Variants in FMNL3 observed in about 807,000 individuals in gnomAD.
The protein encoded by FMNL3 is formin-like protein 3.
Under a neutral mutation model 119.6 loss-of-function variants are expected in FMNL3, and 57 were observed. The ratio of observed to expected loss-of-function variants is 0.48; its 90% confidence interval spans 0.39 to 0.59. The LOEUF (loss-of-function observed/expected upper bound fraction) is 0.59. FMNL3 is among the 20% of genes least tolerant of loss of function. The pLI is 0.00. For missense variants in FMNL3, 1,053 were observed against 1,323.5 expected (o/e 0.80, Z 3.17); for synonymous variants, 491 against 507.3 (o/e 0.97, Z 0.43).
chr12:49,653,444 TAGTC>T, intron 12 of FMNL3, 117 bp from the exon 13 acceptor site: 2 of 1,065,326 alleles, frequency 1.9e-6, no homozygotes, highest in Non-Finnish European at 2.8e-6. Context: ...AAAGGCAGCT[TAGTC>T]AGGTGGTTCC....
At chr12:49,671,896 T>C (rs1002583856) in intron 1 of FMNL3, among the ~76,000 whole-genome samples, 2 of 152,186 alleles carry the variant, frequency 1.3e-5, no homozygotes, top group Non-Finnish European at 2.9e-5. Context: ...GCACTAAATG[T>C]GGGTGAAGTC....
rs1943321547 is a variant in FMNL3, at chr12:49,649,417, C to A, written c.2304+53G>T. The A allele has an allele frequency of 6.2e-7, 1 of 1,613,372 alleles. No homozygotes were observed. Among genetic ancestry groups the A allele is most frequent in the Admixed American group, 1.7e-5 (1 of 60,032 alleles). The stretch of plus-strand genomic sequence containing the variant: ...TCTTCCTCTCTGTATAGCCCCAGGC[C>A]CCCACCTAGGACCTGAAAACCCCCA... On this transcript the variant is annotated intron_variant, in intron 19 of 25. Transcript: ENST00000335154. The surrounding 1 kb of genome is among the most constrained non-coding windows in gnomAD (Gnocchi z 5.6).
intron 6 of FMNL3, 107 bp downstream of exon 6, chr12:49,658,335 C>T: frequency 2.1e-6 from 3 of 1,436,110 alleles, no homozygotes; most frequent in Non-Finnish European, 2.8e-6. Context: ...GAGAGCTGAG[C>T]CTGGAAGCAA....
Position 49,707,136 on chromosome 12 carries a change from G to C in FMNL3, c.45C>G (p.Pro15=). ...ESAEGVPGEP[P]SVPLLLPPGK... is the part of the protein sequence containing the mutation. ...CGGGCGGCAGCAACAACGGGACAGA[G>C]GGGGGCTCTCCCGGGACCCCCTCGG... The change falls in exon 1 of 26, where the codon CCC becomes CCG. Residue 15 remains proline (P), a synonymous_variant. Coordinates refer to ENST00000335154, the MANE Select transcript of FMNL3 (RefSeq NM_175736.5). The C allele has an allele frequency of 6.2e-7, 1 of 1,600,090 alleles. No individual in the cohort carries two copies. Among genetic ancestry groups the C allele is most frequent in the Middle Eastern group, 1.7e-4 (1 of 6,016 alleles).
chr12:49,649,692 G>T lies in FMNL3; in HGVS notation c.2234C>A (p.Pro745Gln). The T allele has an allele frequency of 1.9e-6, 3 of 1,614,038 alleles. No homozygotes were observed. The highest frequency in any genetic ancestry group is 1.1e-5 in the South Asian group (1 of 91,066). Reference sequence around the variant, plus strand: ...CCATGAGTTGGGTGGGGGCTGTACCGGTGTGAGCATCTGCAGGTTATCCTG... The same window carrying T: ...CCATGAGTTGGGTGGGGGCTGTACCTGTGTGAGCATCTGCAGGTTATCCTG... ...NFQDNLQMLT[P>Q]QLNAIIAASA... The change falls in exon 18 of 26, where the codon CCG becomes CAG. Residue 745 changes from proline to glutamine, a missense_variant and splice_region_variant. Physicochemically the swap from Pro to Gln is moderately conservative, Grantham distance 76. Coordinates refer to ENST00000335154, the MANE Select transcript of FMNL3 (RefSeq NM_175736.5). The surrounding 1 kb of genome is among the most constrained non-coding windows in gnomAD (Gnocchi z 5.6).
chr12:49,700,292 T>A (rs1284174428), intron 1 of FMNL3, among the ~76,000 whole-genome samples: 2 of 139,048 alleles, frequency 1.4e-5, no homozygotes, highest in African/African-American at 5.5e-5. Flanking sequence ...CTCGGGAAGC[T>A]AAGGCAGAAG....
chr12:49,651,490 G>A (rs531948356), intron 14 of FMNL3, 40 bp from the exon 15 acceptor site: 18 of 1,424,410 alleles, frequency 1.3e-5, no homozygotes, highest in Admixed American at 2.6e-5. Flanking sequence ...CAGGCGTCAA[G>A]AGACTCTTCA....
At position 49,665,900 on chromosome 12, in the gene FMNL3, C is replaced by G. The variant is rs747996152; in HGVS notation, c.300G>C (p.Arg100Ser). The change falls in exon 4 of 26, where the codon AGG becomes AGC. Residue 100 changes from arginine (R) to serine (S), a missense_variant. Arg to Ser is a moderately radical substitution (Grantham distance 110, BLOSUM62 -1). Transcript: ENST00000335154. ...LDPSVTRKKF[R>S]RRVQESTKVL... ...CTTTGGTTGACTCCTGCACCCTCCT[C>G]CTGAACTTCTGTAAAAAGGGTAGGA... 2.5e-6 allele frequency: 4 copies of G among 1,614,182 alleles called. No individual in the cohort carries two copies. Among genetic ancestry groups the G allele is most frequent in the Non-Finnish European group, 2.5e-6 (3 of 1,180,018 alleles).
intron 1 of FMNL3, among the ~76,000 whole-genome samples, chr12:49,683,568 A>G (rs2138960224): frequency 6.6e-6 from 1 of 152,094 alleles, no homozygotes; most frequent in East Asian, 1.9e-4. Context: ...CATTTATTTG[A>G]CTGTCCCATC....
intron 1 of FMNL3, among the ~76,000 whole-genome samples, chr12:49,677,692 A>G (rs1410916237): frequency 2.6e-5 from 4 of 152,308 alleles, no homozygotes; most frequent in East Asian, 3.9e-4. Context: ...CTACATTCAG[A>G]AAGTTCATAT....
rs1033499567 is a variant in FMNL3 at position 49,644,472 on chromosome 12, G to A, written c.*1343C>T. 1.8e-5 allele frequency: 8 copies of A among 444,126 alleles called. No homozygotes were observed. The highest frequency in any genetic ancestry group is 1.3e-4 in the South Asian group (6 of 44,902). 27.5% of individuals were successfully genotyped at this position (444,126 alleles called of 1,614,324 possible). A position where few individuals can be genotyped will look rare whatever the true frequency, so the allele number is the denominator to read the frequency against. ...GATGCCAGTAGATAAAAGTGTGAGAGAAGGGGTCTCCAGGGAAGAGTCACA... is the reference window on the plus strand; with the variant it reads ...GATGCCAGTAGATAAAAGTGTGAGAAAAGGGGTCTCCAGGGAAGAGTCACA... On this transcript the variant is annotated 3_prime_UTR_variant, in exon 26 of 26. Transcript: ENST00000335154.
intron 1 of FMNL3, among the ~76,000 whole-genome samples, chr12:49,683,033 C>T (rs1565889879): frequency 6.6e-6 from 1 of 152,158 alleles, no homozygotes; most frequent in Non-Finnish European, 1.5e-5. Flanking sequence ...CCTACTGTCT[C>T]CTAACTTCCT....
rs753889816 is a variant in FMNL3, at chr12:49,653,891, GAGT to G, written c.1072-20_1072-18del. The G allele has an allele frequency of 1.4e-3, 2,186 of 1,613,506 alleles. 8 individuals carry two copies. The highest frequency in any genetic ancestry group is 5.1e-3 in the Middle Eastern group (31 of 6,060). On this transcript the variant is annotated intron_variant, in intron 11 of 25. Transcript: ENST00000335154. ...CCTTGACTTCTGGGGGAAGAGCAGA[GAGT>G]AGGAGTAGTTGTAGGAGCAGGCAGA...
chr12:49,669,235 T>C (rs1943975209), intron 1 of FMNL3, among the ~76,000 whole-genome samples: 1 of 152,176 alleles, frequency 6.6e-6, no homozygotes, highest in African/African-American at 2.4e-5. Context: ...TAATTGTTAG[T>C]AGCAAATTTC....
At chr12:49,646,794 G>A (rs896157144) in intron 25 of FMNL3, 92 bp downstream of exon 25, 5 of 1,605,274 alleles carry the variant, frequency 3.1e-6, no homozygotes, top group Non-Finnish European at 3.4e-6. Context: ...GGCCTCATGG[G>A]GGGTGGGGTG....
intron 13 of FMNL3, 117 bp downstream of exon 13, chr12:49,653,109 G>T: frequency 1.0e-6 from 1 of 954,872 alleles, no homozygotes; most frequent in Non-Finnish European, 1.6e-6. Flanking sequence ...AGTACCTCAA[G>T]GGTGAATCAA....
intron 1 of FMNL3, among the ~76,000 whole-genome samples, chr12:49,703,122 T>C (rs189396343): frequency 6.6e-6 from 1 of 152,326 alleles, no homozygotes; most frequent in Non-Finnish European, 1.5e-5. Context: ...TACAGGGCTT[T>C]TTCTGGCATC....
At chr12:49,691,191 T>C (rs1944591139) in intron 1 of FMNL3, among the ~76,000 whole-genome samples, 1 of 152,262 alleles carries the variant, frequency 6.6e-6, no homozygotes. Context: ...TAACAAGTAC[T>C]TCACAGAGTT....
intron 1 of FMNL3, among the ~76,000 whole-genome samples, chr12:49,701,016 T>C (rs893723619): frequency 1.3e-5 from 2 of 149,490 alleles, no homozygotes; most frequent in African/African-American, 2.5e-5. Flanking sequence ...GAGATGGAGG[T>C]TGCAGTGAGC....
Sources: gnomAD v4.1 joint callset for allele counts (sites outside exome capture counted in the v4.1 genomes callset) on GRCh38, gnomAD v4.1.1 for gene constraint, Gnocchi (gnomAD v3.1) non-coding constraint, MANE v1.5 for transcripts, NCBI Gene and HGNC (gene_info 2026-07-23, HGNC 2026-07-21) for gene names.